DDX19B: variants seen among roughly 807,000 people sequenced by gnomAD.
DDX19B encodes the protein ATP-dependent RNA helicase DDX19B.
DDX19B carries 27 observed loss-of-function variants against 58.1 expected under a neutral mutation model. That is an observed-to-expected ratio of 0.46 (90% CI 0.34 to 0.64). The LOEUF is 0.64. Among genes scored for constraint, DDX19B ranks in the 30% least tolerant of loss-of-function variants. The probability of loss-of-function intolerance (pLI) is 0.01; values close to 1 mark genes in which losing one functional copy is unlikely to be tolerated. For missense variants in DDX19B, 399 were observed against 596.5 expected, an observed-to-expected ratio of 0.67 and a Z score of 3.45; for synonymous variants, 187 against 214.4, an observed-to-expected ratio of 0.87 and a Z score of 1.12.
intron 5 of DDX19B, among the ~76,000 whole-genome samples, chr16:70,323,873 G>C (rs2152208220): frequency 6.6e-6 from 1 of 152,182 alleles, no homozygotes; most frequent in East Asian, 1.9e-4. Flanking sequence ...GGTTAAGGTA[G>C]GATCTCCTGA....
At chr16:70,315,755 A>C in intron 3 of DDX19B, 1 of 543,936 alleles carries the variant, frequency 1.8e-6, no homozygotes, top group Non-Finnish European at 3.0e-6. Flanking sequence ...GTTAGAATAG[A>C]GTCTGGAAAA....
intron 1 of DDX19B, 132 bp downstream of exon 1, chr16:70,299,486 C>T (rs1961372093): frequency 7.2e-6 from 8 of 1,115,374 alleles, no homozygotes; most frequent in Non-Finnish European, 3.6e-6. Flanking sequence ...GGAGCCTGGA[C>T]CCTGAGCTGG....
intron 7 of DDX19B, among the ~76,000 whole-genome samples, chr16:70,326,960 G>A (rs1963184924): frequency 1.3e-5 from 2 of 151,816 alleles, no homozygotes; most frequent in African/African-American, 4.8e-5. Flanking sequence ...TCAGCCTCCT[G>A]AGTAGCTGGG....
upstream of DDX19B, among the ~76,000 whole-genome samples, chr16:70,290,830 C>T (rs904725586): frequency 1.4e-4 from 21 of 152,198 alleles, no homozygotes; most frequent in Non-Finnish European, 2.4e-4. Context: ...TGCACAAGTT[C>T]ACACCCAATA....
At chr16:70,303,074 A>T (rs1961560936) in intron 1 of DDX19B, among the ~76,000 whole-genome samples, 1 of 151,992 alleles carries the variant, frequency 6.6e-6, no homozygotes, top group African/African-American at 2.4e-5. Context: ...TTAAAGTAGG[A>T]TTGTTTTTGT....
intron 1 of DDX19B, among the ~76,000 whole-genome samples, chr16:70,309,009 A>G (rs1200820169): frequency 6.6e-6 from 1 of 151,690 alleles, no homozygotes; most frequent in Non-Finnish European, 1.5e-5. Context: ...CTTCAGAATT[A>G]GTGAAGGATT....
At chr16:70,333,208 C>T (rs772306479) in intron 11 of DDX19B, 49 bp downstream of exon 11, 11 of 919,216 alleles carry the variant, frequency 1.2e-5, no homozygotes, top group Admixed American at 2.5e-5. Context: ...CTAAGTAGGG[C>T]GGGGTGGTGA....
chr16:70,306,354 G>A (rs929728569), intron 1 of DDX19B, among the ~76,000 whole-genome samples: 1 of 151,778 alleles, frequency 6.6e-6, no homozygotes, highest in Non-Finnish European at 1.5e-5. Flanking sequence ...GTTTCACCAT[G>A]TTGCTCAGGG....
chr16:70,290,449 C>T (rs944841934), upstream of DDX19B, among the ~76,000 whole-genome samples: 6 of 152,066 alleles, frequency 3.9e-5, no homozygotes, highest in African/African-American at 1.4e-4. Flanking sequence ...ATCCCTTGAC[C>T]TCGGGAGGCG....
At chr16:70,323,079 C>T (rs971357388) in intron 5 of DDX19B, among the ~76,000 whole-genome samples, 4 of 152,028 alleles carry the variant, frequency 2.6e-5, no homozygotes, top group South Asian at 4.2e-4. Context: ...TGGCCTGCTG[C>T]GGCTGCTCCG....
upstream of DDX19B, among the ~76,000 whole-genome samples, chr16:70,292,284 GCGCCACCAC>G (rs985501419): frequency 1.5e-4 from 23 of 148,930 alleles, no homozygotes; most frequent in Admixed American, 2.6e-4. Flanking sequence ...GAGATTACAG[GCGCCACCAC>G]CACGCCCAGT....
At chr16:70,315,734 A>T (rs1443314247) in intron 3 of DDX19B, 1 of 453,208 alleles carries the variant, frequency 2.2e-6, no homozygotes, top group African/African-American at 1.9e-5. Flanking sequence ...TAACTGCAGG[A>T]AAAGAGGGCT....
At chr16:70,309,353 G>A (rs1208948929) in intron 1 of DDX19B, among the ~76,000 whole-genome samples, 1 of 151,626 alleles carries the variant, frequency 6.6e-6, no homozygotes, top group Non-Finnish European at 1.5e-5. Flanking sequence ...AAGTTAGTCG[G>A]GCATGGTGGC....
intron 7 of DDX19B, among the ~76,000 whole-genome samples, chr16:70,328,135 C>A (rs981489062): frequency 6.6e-6 from 1 of 150,454 alleles, no homozygotes; most frequent in African/African-American, 2.4e-5. Flanking sequence ...GCCTGGGCGA[C>A]AGAATGAGAT....
intron 2 of DDX19B, among the ~76,000 whole-genome samples, 197 bp downstream of exon 2, chr16:70,312,854 C>T (rs978254607): frequency 5.3e-5 from 8 of 151,874 alleles, no homozygotes; most frequent in Non-Finnish European, 1.2e-4. Flanking sequence ...TTTCTGTTTA[C>T]TTTTTAAGAG....
At chr16:70,294,695 C>T, upstream of DDX19B, 1 of 508,668 alleles carries the variant, frequency 2.0e-6, no homozygotes, top group Non-Finnish European at 3.3e-6. Flanking sequence ...TTGTCTTTGG[C>T]CCCCAGAGTT....
intron 5 of DDX19B, among the ~76,000 whole-genome samples, chr16:70,322,378 G>T (rs1962882566): frequency 6.6e-6 from 1 of 151,846 alleles, no homozygotes. Context: ...ATCACTTGAG[G>T]TCAGGAGTTC....
Position 70,311,493 on chromosome 16 carries a change from C to G in DDX19B, c.58-1116C>G, listed in dbSNP as rs181913121. Among the ~76,000 whole-genome samples the G allele has an allele frequency of 7.2e-4, 109 of 152,322 alleles. 1 individual carries two copies. The highest frequency in any genetic ancestry group is 2.4e-3 in the African/African-American group (100 of 41,572). The stretch of plus-strand genomic sequence containing the variant: ...TGGGCACATTTCCTGTGGGGTAGCC[C>G]TGCTCCTCAAGGAGCAGTAGAAAAC... On this transcript the variant is annotated intron_variant, in intron 1 of 11. Coordinates refer to ENST00000288071, the MANE Select transcript of DDX19B (RefSeq NM_007242.7).
rs770218240 is a variant in DDX19B, at chr16:70,299,361, T to G, written c.57+7T>G. On this transcript the variant is annotated splice_region_variant and intron_variant, in intron 1 of 11. Transcript: ENST00000288071. ...GGAAGCTGCGGCTGAGTCGGTGAGTTGGCTTCAGCCCTAAAAGGGTCAGGG... is the reference window on the plus strand; with the variant it reads ...GGAAGCTGCGGCTGAGTCGGTGAGTGGGCTTCAGCCCTAAAAGGGTCAGGG... 7.5e-6 allele frequency: 12 copies of G among 1,605,884 alleles called. No individual in the cohort carries two copies. In the African/African-American group the frequency reaches 1.5e-4, roughly 20 times the overall value.
Sources: allele counts gnomAD v4.1 joint callset (sites outside exome capture counted in the v4.1 genomes callset), GRCh38; gene constraint gnomAD v4.1.1; transcripts MANE v1.5; gene names NCBI Gene and HGNC (gene_info 2026-07-23, HGNC 2026-07-21).